The following CA8 variants were observed in gnomAD, a reference collection of about 807,000 sequenced individuals.
CA8 encodes the protein carbonic anhydrase 8 (inactive), also known as carbonic anhydrase-related protein.
CA8 carries 22 observed loss-of-function variants against 41.4 expected under a neutral mutation model. The observed-to-expected ratio is 0.53, with a 90% confidence interval of 0.38 to 0.76. The LOEUF is 0.76. Ranked by LOEUF, CA8 falls within the 30% of genes least tolerant of loss-of-function variation. The pLI is 0.00. For missense variants in CA8, 270 were observed against 352.8 expected (o/e 0.77, Z 1.88); for synonymous variants, 121 against 130.6 (o/e 0.93, Z 0.50).
chr8:60,247,174 C>G (rs143927697), intron 3 of CA8, among the ~76,000 whole-genome samples: 1 of 152,138 alleles, frequency 6.6e-6, no homozygotes, highest in Non-Finnish European at 1.5e-5. Flanking sequence ...TGAGCCACCA[C>G]GCCCAGCCAA....
Position 60,281,178 on chromosome 8 carries a change from G to A in CA8, c.-31C>T, listed in dbSNP as rs777859490. ...GGCCGCGGGGCCCCTCGGCGCTCTC[G>A]GCAGCAGTGCCTGCGCCTTCGCTGG... is the stretch of plus-strand genomic sequence containing the variant. On this transcript the variant is annotated 5_prime_UTR_variant, in exon 1 of 9. Coordinates refer to ENST00000317995, the MANE Select transcript of CA8 (RefSeq NM_004056.6). 2 of 1,472,766 alleles carry A rather than the reference G, an allele frequency of 1.4e-6. No homozygotes were observed. The highest frequency in any genetic ancestry group is 1.2e-5 in the South Asian group (1 of 82,682). 91.2% of individuals were successfully genotyped at this position (1,472,766 alleles called of 1,614,324 possible).
At chr8:60,275,657 T>G (rs1036938830) in intron 2 of CA8, among the ~76,000 whole-genome samples, 1 of 151,682 alleles carries the variant, frequency 6.6e-6, no homozygotes, top group Non-Finnish European at 1.5e-5. Flanking sequence ...AATACAAAAT[T>G]TATCAATGAA....
chr8:60,240,713 A>T (rs1017330124), intron 3 of CA8, among the ~76,000 whole-genome samples: 2 of 131,730 alleles, frequency 1.5e-5, no homozygotes, highest in Non-Finnish European at 3.1e-5. Flanking sequence ...GATTTTGCTT[A>T]ATTGCCTTCC....
intron 3 of CA8, among the ~76,000 whole-genome samples, chr8:60,244,265 T>C (rs578018724): frequency 5.6e-4 from 86 of 152,304 alleles, no homozygotes; most frequent in Non-Finnish European, 9.7e-4. Flanking sequence ...AATCTATAGA[T>C]AGACTTATGC....
chr8:60,251,468 C>A lies in CA8; in HGVS notation c.417+14457G>T, dbSNP rs116623100. ...TCAACCACTCACGCATTCAGCGTGA[C>A]CATATTTGACCTTGAAAACTTTCTC... On this transcript the variant is annotated intron_variant, in intron 3 of 8. Coordinates refer to ENST00000317995, the MANE Select transcript of CA8 (RefSeq NM_004056.6). Among the ~76,000 whole-genome samples, 873 of 152,330 alleles carry A rather than the reference C, an allele frequency of 5.7e-3. 8 individuals carry two copies. The highest frequency in any genetic ancestry group is 0.018 in the African/African-American group (738 of 41,572).
At chr8:60,221,486 G>T (rs1807246195) in intron 7 of CA8, among the ~76,000 whole-genome samples, 1 of 152,230 alleles carries the variant, frequency 6.6e-6, no homozygotes, top group African/African-American at 2.4e-5. Flanking sequence ...TGATAAGTGA[G>T]TATTGGCAGC....
At chr8:60,244,071 G>A (rs1395806773) in intron 3 of CA8, among the ~76,000 whole-genome samples, 7 of 152,044 alleles carry the variant, frequency 4.6e-5, no homozygotes, top group Non-Finnish European at 1.0e-4. Flanking sequence ...ACCGCCCCTC[G>A]GACTGTGTCT....
At chr8:60,271,533 A>T (rs1422159286) in intron 2 of CA8, among the ~76,000 whole-genome samples, 1 of 152,294 alleles carries the variant, frequency 6.6e-6, no homozygotes, top group South Asian at 2.1e-4. Flanking sequence ...GGGGGGGAAA[A>T]GTAGGATTAA....
At chr8:60,199,617 G>A (rs1424125932) in intron 8 of CA8, among the ~76,000 whole-genome samples, 7 of 152,002 alleles carry the variant, frequency 4.6e-5, no homozygotes, top group Non-Finnish European at 1.0e-4. Flanking sequence ...TTTATTACCT[G>A]GTGCTACCTG....
intron 2 of CA8, among the ~76,000 whole-genome samples, chr8:60,275,790 C>T (rs567157811): frequency 1.6e-4 from 24 of 152,210 alleles, no homozygotes; most frequent in Admixed American, 1.4e-3. Context: ...ATGGTTGTAA[C>T]ATTTCAAAAC....
intron 3 of CA8, among the ~76,000 whole-genome samples, chr8:60,252,421 G>A (rs549754119): frequency 6.6e-6 from 1 of 152,356 alleles, no homozygotes; most frequent in South Asian, 2.1e-4. Context: ...AAATTCCAAA[G>A]CTGAATCCTT....
At chr8:60,239,883 C>A (rs564551415) in intron 3 of CA8, among the ~76,000 whole-genome samples, 3 of 152,198 alleles carry the variant, frequency 2.0e-5, no homozygotes, top group Non-Finnish European at 4.4e-5. Context: ...CCATGTAAGA[C>A]GTGCCTTTCA....
chr8:60,271,241 C>T (rs767597555), intron 2 of CA8, among the ~76,000 whole-genome samples: 12 of 151,886 alleles, frequency 7.9e-5, no homozygotes, highest in Non-Finnish European at 1.5e-4. Flanking sequence ...ACCAGACAGG[C>T]TGAGGTGGGC....
intron 2 of CA8, among the ~76,000 whole-genome samples, chr8:60,275,561 G>A (rs958387645): frequency 6.6e-6 from 1 of 151,442 alleles, no homozygotes; most frequent in Non-Finnish European, 1.5e-5. Flanking sequence ...AAGACTAAAC[G>A]ATTAAAAATT....
At chr8:60,206,702 G>A (rs1806596793) in intron 8 of CA8, among the ~76,000 whole-genome samples, 1 of 152,006 alleles carries the variant, frequency 6.6e-6, no homozygotes. Flanking sequence ...GCAAGTCATG[G>A]GTACACAGCA....
rs555383876 is a variant in CA8, at chr8:60,224,106, G to C, written c.625+431C>G. 4.6e-5 allele frequency among the ~76,000 whole-genome samples: 7 copies of C among 152,304 alleles called. No individual in the cohort carries two copies. In the South Asian group the frequency reaches 1.5e-3, roughly 32 times the overall value. On this transcript the variant is annotated intron_variant, in intron 6 of 8. Transcript: ENST00000317995. ...TTTGTTCGTTTGTTTGTTTGAGACA[G>C]AGTTTCACTTTGTCACCCAGGCTGG...
At chr8:60,262,354 A>AG (rs1803762359) in intron 3 of CA8, among the ~76,000 whole-genome samples, 2 of 151,634 alleles carry the variant, frequency 1.3e-5, no homozygotes, top group South Asian at 4.2e-4. Flanking sequence ...AAAAAAAAAA[A>AG]TCATATAGCA....
intron 3 of CA8, among the ~76,000 whole-genome samples, chr8:60,239,080 AG>A (rs11476945): frequency 0.032 from 4,803 of 152,272 alleles, 151 homozygotes; most frequent in South Asian, 0.13. Context: ...TTTTATCAAA[AG>A]GGAGATAAAT....
chr8:60,251,873 C>CT (rs1428875612), intron 3 of CA8, among the ~76,000 whole-genome samples: 1 of 152,186 alleles, frequency 6.6e-6, no homozygotes, highest in Non-Finnish European at 1.5e-5. Flanking sequence ...AAACAAAAGT[C>CT]TAGTTGTCCC....
Sources: allele counts gnomAD v4.1 joint callset (sites outside exome capture counted in the v4.1 genomes callset), GRCh38; gene constraint gnomAD v4.1.1; transcripts MANE v1.5; gene names NCBI Gene and HGNC (gene_info 2026-07-23, HGNC 2026-07-21).